The following SGPP2 variants were observed in gnomAD, a reference collection of about 807,000 sequenced individuals.
SGPP2 encodes sphingosine-1-phosphate phosphatase 2.
A neutral mutation model predicts 33.9 loss-of-function variants in SGPP2; 30 were observed. The ratio of observed to expected loss-of-function variants is 0.89; its 90% CI spans 0.66 to 1.20. SGPP2 has a LOEUF of 1.20. Among genes scored for constraint, SGPP2 ranks in the 50% most tolerant of loss-of-function variants. The pLI is 0.00. For missense variants in SGPP2, 458 were observed against 532.1 expected, an observed-to-expected ratio of 0.86 and a Z score of 1.37; for synonymous variants, 233 against 225.0, an observed-to-expected ratio of 1.04 and a Z score of -0.32.
At chr2:222,463,963 T>C (rs1285911787) in intron 1 of SGPP2, among the ~76,000 whole-genome samples, 1 of 116,660 alleles carries the variant, frequency 8.6e-6, no homozygotes, top group Non-Finnish European at 1.8e-5. Flanking sequence ...AAGTTCTGAA[T>C]CCTGTACGTG....
intron 1 of SGPP2, among the ~76,000 whole-genome samples, chr2:222,445,117 A>G (rs1697379898): frequency 6.6e-6 from 1 of 152,174 alleles, no homozygotes; most frequent in African/African-American, 2.4e-5. Flanking sequence ...GGTAATGATC[A>G]TCCTGTGTAA....
At chr2:222,464,821 T>C (rs745398746) in intron 1 of SGPP2, among the ~76,000 whole-genome samples, 5 of 152,184 alleles carry the variant, frequency 3.3e-5, no homozygotes, top group Non-Finnish European at 7.3e-5. Context: ...ACAGTGTTTT[T>C]TCTAGTTACA....
chr2:222,433,663 C>T (rs988610050), intron 1 of SGPP2, among the ~76,000 whole-genome samples: 2 of 150,520 alleles, frequency 1.3e-5, no homozygotes, highest in African/African-American at 4.9e-5. Flanking sequence ...GGACACTTGG[C>T]CTGGCTGTGT....
In SGPP2 at chr2:222,478,171, C is replaced by CGAGAGGGA. The variant is rs141633341; in HGVS notation, c.378+3463_378+3470dup. On this transcript the variant is annotated intron_variant, in intron 2 of 4. Transcript: ENST00000321276. ...AGAGAGTGGAGGCCATTCCAAGGGG[C>CGAGAGGGA]GAGAGGGAGAGAGGGAGAGAGGGAG... Among the ~76,000 whole-genome samples, 5 of 76,018 alleles carry CGAGAGGGA rather than the reference C, an allele frequency of 6.6e-5. No individual in the cohort carries two copies. In the East Asian group the frequency reaches 1.2e-3, roughly 18 times the overall value. The allele number at this position is 76,018 out of a possible 152,430, so 49.9% of individuals were successfully genotyped here. A position where few individuals can be genotyped will look rare whatever the true frequency, so the allele number is the denominator to read the frequency against.
chr2:222,480,907 A>G lies in SGPP2; in HGVS notation c.378+6181A>G, dbSNP rs566381571. 7.9e-5 allele frequency among the ~76,000 whole-genome samples: 12 copies of G among 152,362 alleles called. No individual in the cohort carries two copies. The South Asian group carries it at 8.3e-4, about 11-fold the overall frequency. The stretch of plus-strand genomic sequence containing the variant: ...ACTGGATAAAGAAAAGGTGGTACAT[A>G]TGCAGCCATAAAAAGGAATGAGATC... On this transcript the variant is annotated intron_variant, in intron 2 of 4. Coordinates refer to ENST00000321276, the MANE Select transcript of SGPP2 (RefSeq NM_152386.4).
chr2:222,488,918 A>G (rs1698155340), intron 2 of SGPP2, among the ~76,000 whole-genome samples: 1 of 152,216 alleles, frequency 6.6e-6, no homozygotes, highest in South Asian at 2.1e-4. Context: ...ATGTTTGTTC[A>G]ATTTGAAAAT....
chr2:222,445,850 T>C (rs4375856), intron 1 of SGPP2, among the ~76,000 whole-genome samples: 152,013 of 152,326 alleles, frequency 1, 75,850 homozygotes, highest in Middle Eastern at 1. Context: ...ATCTGGGTAC[T>C]ATCCCAGGAG....
At position 222,560,154 on chromosome 2, in the gene SGPP2, G is replaced by C. The variant is rs1559180963; in HGVS notation, c.*1256G>C. The C allele has an allele frequency of 6.6e-6, 1 of 152,240 alleles. No homozygotes were observed. Among genetic ancestry groups the C allele is most frequent in the African/African-American group, 2.4e-5 (1 of 41,456 alleles). 9.4% of individuals were successfully genotyped at this position (152,240 alleles called of 1,614,324 possible). On this transcript the variant is annotated 3_prime_UTR_variant, in exon 5 of 5. Coordinates refer to ENST00000321276, the MANE Select transcript of SGPP2 (RefSeq NM_152386.4). ...TTTTGCTTTCATACAAACCTGGAAG[G>C]CACTGGCATCTGCCTAGGAAAGTGG...
intron 1 of SGPP2, among the ~76,000 whole-genome samples, chr2:222,426,948 C>A (rs1330631497): frequency 6.6e-6 from 1 of 152,190 alleles, no homozygotes; most frequent in Admixed American, 6.5e-5. Context: ...CTCTAAATAT[C>A]CTCCCCACTC....
intron 1 of SGPP2, among the ~76,000 whole-genome samples, chr2:222,461,581 C>T (rs1697660992): frequency 6.6e-6 from 1 of 151,966 alleles, no homozygotes; most frequent in East Asian, 1.9e-4. Flanking sequence ...GAGCCCTAAG[C>T]TTGTTTTCCT....
chr2:222,475,752 T>C (rs1169181791), intron 2 of SGPP2, among the ~76,000 whole-genome samples: 1 of 152,150 alleles, frequency 6.6e-6, no homozygotes, highest in African/African-American at 2.4e-5. Flanking sequence ...TTGAAGGAGA[T>C]GGTAGTCATT....
chr2:222,475,502 A>G (rs1697920201), intron 2 of SGPP2, among the ~76,000 whole-genome samples: 1 of 152,348 alleles, frequency 6.6e-6, no homozygotes, highest in East Asian at 1.9e-4. Context: ...ACCTAAAATC[A>G]GAAGCTGTTG....
At chr2:222,445,682 G>T (rs953323259) in intron 1 of SGPP2, among the ~76,000 whole-genome samples, 1 of 152,170 alleles carries the variant, frequency 6.6e-6, no homozygotes, top group Non-Finnish European at 1.5e-5. Context: ...CAGAGCTGCC[G>T]CTCTCGATGG....
intron 1 of SGPP2, among the ~76,000 whole-genome samples, chr2:222,429,811 C>T (rs1697124144): frequency 6.6e-6 from 1 of 152,202 alleles, no homozygotes; most frequent in African/African-American, 2.4e-5. Flanking sequence ...TTAATAGCTA[C>T]TACCGAATTG....
In SGPP2 at chr2:222,424,687, GA is replaced by G; in HGVS notation, c.87del (p.Gly30AlafsTer52). ...CTGCGGGCTCTTCCCCGCTCCGGAT[GA>G]AGGCCCCCGGGAGAACGGCGCGGAC... ...RRCGLFPAPD[E>X]GPRENGADPT... On this transcript the variant is annotated frameshift_variant, in exon 1 of 5. Coordinates refer to ENST00000321276, the MANE Select transcript of SGPP2 (RefSeq NM_152386.4). LOFTEE classifies it high-confidence loss of function. 1 of 1,450,686 alleles carries G rather than the reference GA, an allele frequency of 6.9e-7. No individual in the cohort carries two copies. Among genetic ancestry groups the G allele is most frequent in the Non-Finnish European group, 9.1e-7 (1 of 1,103,712 alleles). 89.9% of individuals were successfully genotyped at this position (1,450,686 alleles called of 1,614,324 possible). A position where few individuals can be genotyped will look rare whatever the true frequency, so the allele number is the denominator to read the frequency against.
chr2:222,433,961 A>G (rs1404118327), intron 1 of SGPP2, among the ~76,000 whole-genome samples: 2 of 152,210 alleles, frequency 1.3e-5, no homozygotes, highest in Non-Finnish European at 2.9e-5. Context: ...GCATTTTTCA[A>G]AAAGCACTTT....
At chr2:222,555,603 G>A (rs1166620373) in intron 4 of SGPP2, among the ~76,000 whole-genome samples, 1 of 152,008 alleles carries the variant, frequency 6.6e-6, no homozygotes, top group African/African-American at 2.4e-5. Flanking sequence ...GATTTGAGAG[G>A]CACACTGATA....
chr2:222,462,621 G>A (rs184302841), intron 1 of SGPP2, among the ~76,000 whole-genome samples: 14 of 152,150 alleles, frequency 9.2e-5, no homozygotes, highest in East Asian at 3.9e-4. Flanking sequence ...TAAGATTTTC[G>A]ATCTTAATCG....
chr2:222,452,804 C>T (rs911187645), intron 1 of SGPP2: 1 of 1,589,258 alleles, frequency 6.3e-7, no homozygotes, highest in African/African-American at 1.3e-5. Context: ...GTGCTGAGGC[C>T]TGAGTCACAC....
Sources: gnomAD v4.1 joint callset for allele counts (sites outside exome capture counted in the v4.1 genomes callset) on GRCh38, gnomAD v4.1.1 for gene constraint, MANE v1.5 for transcripts, NCBI Gene and HGNC (gene_info 2026-07-23, HGNC 2026-07-21) for gene names.